Variants in NAALADL2 observed in about 807,000 individuals in gnomAD.
NAALADL2 encodes inactive N-acetylated-alpha-linked acidic dipeptidase-like protein 2.
A neutral mutation model predicts 87.2 loss-of-function variants in NAALADL2; 76 were observed. The observed-to-expected ratio is 0.87, with a 90% CI of 0.72 to 1.05. The LOEUF (loss-of-function observed/expected upper bound fraction) is 1.05, where lower values mean the gene tolerates loss of function less well. NAALADL2 is among the 50% of genes least tolerant of loss of function. The pLI is 0.00. For missense variants in NAALADL2, 1,089 were observed against 945.8 expected, an observed-to-expected ratio of 1.15 and a Z score of -1.99; for synonymous variants, 354 against 331.0, an observed-to-expected ratio of 1.07 and a Z score of -0.75.
At chr3:175,471,517 G>T in intron 8 of NAALADL2, 122 bp from the exon 9 acceptor site, 1 of 609,364 alleles carries the variant, frequency 1.6e-6, no homozygotes, top group Non-Finnish European at 2.8e-6. Flanking sequence ...AAAAAAGAAG[G>T]TAATTATGCA....
chr3:174,741,246 C>T (rs1468405204), intron 3 of NAALADL2, among the ~76,000 whole-genome samples: 2 of 151,498 alleles, frequency 1.3e-5, no homozygotes, highest in Non-Finnish European at 3.0e-5. Flanking sequence ...TTCATCCCTC[C>T]GTCAATGTAA....
At chr3:174,967,615 ACT>A (rs1457091768) in intron 1 of NAALADL2, among the ~76,000 whole-genome samples, 15 of 152,092 alleles carry the variant, frequency 9.9e-5, no homozygotes, top group Admixed American at 9.2e-4. Context: ...GAGATCACAG[ACT>A]CTAAAGAAAC....
chr3:175,567,471 A>G (rs1717355875), intron 9 of NAALADL2, among the ~76,000 whole-genome samples: 1 of 152,164 alleles, frequency 6.6e-6, no homozygotes, highest in South Asian at 2.1e-4. Context: ...AATATAAAAG[A>G]ACATTTTTCT....
intron 4 of NAALADL2, among the ~76,000 whole-genome samples, chr3:175,323,233 C>T (rs1007974086): frequency 2.7e-5 from 4 of 147,612 alleles, no homozygotes; most frequent in Admixed American, 1.4e-4. Context: ...TAAACTATCG[C>T]AAGAACAAAA....
intron 3 of NAALADL2, among the ~76,000 whole-genome samples, chr3:174,826,073 CAAT>C (rs1408952745): frequency 6.6e-6 from 1 of 151,666 alleles, no homozygotes; most frequent in African/African-American, 2.4e-5. Flanking sequence ...ACAACAACAA[CAAT>C]CAAACAAAAT....
chr3:175,030,738 C>A (rs77737433), intron 1 of NAALADL2, among the ~76,000 whole-genome samples: 8,968 of 152,026 alleles, frequency 0.059, 322 homozygotes, highest in Middle Eastern at 0.12. Context: ...CAGTACAAAT[C>A]TTTAATGTAA....
At chr3:175,664,155 C>G (rs183079742) in intron 11 of NAALADL2, among the ~76,000 whole-genome samples, 1 of 152,158 alleles carries the variant, frequency 6.6e-6, no homozygotes, top group African/African-American at 2.4e-5. Context: ...CCTAAACGCT[C>G]ATGCTCATAG....
At chr3:174,460,782 T>C (rs1055553140) in intron 1 of NAALADL2, among the ~76,000 whole-genome samples, 1 of 152,036 alleles carries the variant, frequency 6.6e-6, no homozygotes, top group Non-Finnish European at 1.5e-5. Context: ...TTTGCAAAAA[T>C]ATTAAAATTT....
intron 11 of NAALADL2, among the ~76,000 whole-genome samples, chr3:175,641,917 T>C (rs1582741222): frequency 6.6e-6 from 1 of 152,148 alleles, no homozygotes; most frequent in African/African-American, 2.4e-5. Context: ...CCATTAAAAA[T>C]GAAACTATAT....
intron 4 of NAALADL2, among the ~76,000 whole-genome samples, chr3:175,262,446 T>C (rs1306573462): frequency 6.6e-6 from 1 of 152,056 alleles, no homozygotes; most frequent in East Asian, 1.9e-4. Flanking sequence ...TGGAACTCTA[T>C]TTTTTGTTTC....
chr3:174,917,416 C>T (rs1734562324), intron 1 of NAALADL2, among the ~76,000 whole-genome samples: 1 of 152,032 alleles, frequency 6.6e-6, no homozygotes, highest in Non-Finnish European at 1.5e-5. Context: ...TGAACAAAGA[C>T]CTGAAACTGA....
intron 2 of NAALADL2, among the ~76,000 whole-genome samples, chr3:174,589,447 G>A (rs1717116776): frequency 6.6e-6 from 1 of 152,174 alleles, no homozygotes; most frequent in Non-Finnish European, 1.5e-5. Context: ...CCCATCTTCT[G>A]CGTCGCTTAT....
intron 1 of NAALADL2, among the ~76,000 whole-genome samples, chr3:175,048,654 A>T (rs1754982949): frequency 6.6e-6 from 1 of 152,092 alleles, no homozygotes; most frequent in Admixed American, 6.6e-5. Flanking sequence ...GAATTTTATG[A>T]TCGGAATTGA....
chr3:175,002,537 T>C (rs1245579384), intron 1 of NAALADL2, among the ~76,000 whole-genome samples: 1 of 152,116 alleles, frequency 6.6e-6, no homozygotes, highest in Non-Finnish European at 1.5e-5. Flanking sequence ...ATGCTGGTCA[T>C]GAAACAAGCA....
At chr3:175,124,169 A>G (rs1209337733) in intron 2 of NAALADL2, among the ~76,000 whole-genome samples, 2 of 151,990 alleles carry the variant, frequency 1.3e-5, no homozygotes, top group African/African-American at 4.8e-5. Context: ...TCGTGAGAAT[A>G]CTGAAGCTAT....
chr3:174,957,227 C>A (rs1741281559), intron 1 of NAALADL2, among the ~76,000 whole-genome samples: 1 of 152,102 alleles, frequency 6.6e-6, no homozygotes, highest in East Asian at 1.9e-4. Flanking sequence ...CAGGAGAGAA[C>A]TGCATCTGCC....
intron 1 of NAALADL2, among the ~76,000 whole-genome samples, chr3:174,944,956 G>A (rs886292829): frequency 1.3e-5 from 2 of 152,090 alleles, no homozygotes; most frequent in Non-Finnish European, 2.9e-5. Context: ...GATGAGTACT[G>A]GATGTTTCAG....
intron 2 of NAALADL2, among the ~76,000 whole-genome samples, chr3:175,111,977 T>C (rs1003811219): frequency 6.6e-6 from 1 of 151,660 alleles, no homozygotes; most frequent in Non-Finnish European, 1.5e-5. Context: ...TTGAACAACA[T>C]TCTTAAATTT....
chr3:174,702,944 C>T (rs1337015216), intron 2 of NAALADL2, among the ~76,000 whole-genome samples: 1 of 152,066 alleles, frequency 6.6e-6, no homozygotes, highest in Non-Finnish European at 1.5e-5. Context: ...AAGATTCTGC[C>T]TCAGCGTTCA....
Sources: gnomAD v4.1 joint callset for allele counts (sites outside exome capture counted in the v4.1 genomes callset) on GRCh38, gnomAD v4.1.1 for gene constraint, MANE v1.5 for transcripts, NCBI Gene and HGNC (gene_info 2026-07-23, HGNC 2026-07-21) for gene names.